The following LOC128462377 variants were observed in gnomAD, a reference collection of about 807,000 sequenced individuals.
the LOC128462377 span, among the ~76,000 whole-genome samples, chr16:89,385,743 G>T: frequency 6.6e-6 from 1 of 152,234 alleles, no homozygotes; most frequent in Non-Finnish European, 1.5e-5. Flanking sequence ...CCACTTTCAC[G>T]TCTGACGACA....
the LOC128462377 span, among the ~76,000 whole-genome samples, chr16:89,415,829 C>CAAAAAAAAAAAAAAA: frequency 7.5e-3 from 297 of 39,676 alleles, 20 homozygotes; most frequent in East Asian, 0.017. Flanking sequence ...GACTCTGTCT[C>CAAAAAAAAAAAAAAA]AAAAAAAAAA....
chr16:89,324,821 T>C, the LOC128462377 span: 5 of 286,716 alleles, frequency 1.7e-5, no homozygotes, highest in South Asian at 1.5e-4. Context: ...GGACTCGGAC[T>C]GGCTTCCTGG....
the LOC128462377 span, among the ~76,000 whole-genome samples, chr16:89,393,507 T>C: frequency 1.3e-5 from 2 of 148,710 alleles, no homozygotes; most frequent in Non-Finnish European, 3.0e-5. Context: ...TTTTTTTTTT[T>C]TGTATTTTTA....
the LOC128462377 span, among the ~76,000 whole-genome samples, chr16:89,397,916 G>A: frequency 0.031 from 4,696 of 152,320 alleles, 104 homozygotes; most frequent in Non-Finnish European, 0.05. Flanking sequence ...CAGGTGCCTC[G>A]GGTGGCAACA....
the LOC128462377 span, among the ~76,000 whole-genome samples, chr16:89,365,433 G>C: frequency 6.6e-6 from 1 of 152,222 alleles, no homozygotes; most frequent in African/African-American, 2.4e-5. Context: ...AGCCCAACCA[G>C]GGTGCAGGGG....
At chr16:89,324,303 C>G in the LOC128462377 span, 6 of 1,270,510 alleles carry the variant, frequency 4.7e-6, no homozygotes, top group South Asian at 3.8e-5. Context: ...GACCACCCGA[C>G]AGGAGCACGG....
the LOC128462377 span, among the ~76,000 whole-genome samples, chr16:89,363,412 A>C: frequency 7.2e-5 from 11 of 152,274 alleles, no homozygotes; most frequent in East Asian, 1.2e-3. Flanking sequence ...CCAACATGGC[A>C]CATGTATACA....
the LOC128462377 span, among the ~76,000 whole-genome samples, chr16:89,351,977 C>T: frequency 1.3e-5 from 2 of 152,150 alleles, no homozygotes; most frequent in Non-Finnish European, 2.9e-5. Flanking sequence ...GTGGTGCGAT[C>T]GTGGCTCACT....
chr16:89,338,182 C>T, the LOC128462377 span, among the ~76,000 whole-genome samples: 7 of 152,268 alleles, frequency 4.6e-5, no homozygotes, highest in South Asian at 6.2e-4. Flanking sequence ...TGCCCCGAGA[C>T]GCACTCTCAC....
chr16:89,328,671 T>TA, the LOC128462377 span, among the ~76,000 whole-genome samples: 1 of 142,878 alleles, frequency 7.0e-6, no homozygotes, highest in South Asian at 2.2e-4. Context: ...CCCTGCTGAG[T>TA]GAGTGGACAC....
At chr16:89,385,062 T>C in the LOC128462377 span, among the ~76,000 whole-genome samples, 5 of 151,882 alleles carry the variant, frequency 3.3e-5, no homozygotes, top group Admixed American at 1.3e-4. Context: ...ATTTTTGTAT[T>C]TTTAGTAGAG....
the LOC128462377 span, among the ~76,000 whole-genome samples, chr16:89,380,518 G>A: frequency 6.6e-6 from 1 of 151,960 alleles, no homozygotes; most frequent in African/African-American, 2.4e-5. Flanking sequence ...GTCTCCACCT[G>A]CATAAGAAAC....
chr16:89,387,506 A>C, the LOC128462377 span, among the ~76,000 whole-genome samples: 1 of 151,252 alleles, frequency 6.6e-6, no homozygotes, highest in East Asian at 2.0e-4. Flanking sequence ...CCCCATCTCT[A>C]CTAAAAATAC....
the LOC128462377 span, chr16:89,339,915 A>T: frequency 2.0e-5 from 3 of 152,218 alleles, no homozygotes; most frequent in South Asian, 6.2e-4. Context: ...CTTTGCAGGT[A>T]ACGCATTGGA....
the LOC128462377 span, among the ~76,000 whole-genome samples, chr16:89,391,085 G>A: frequency 3.9e-5 from 6 of 152,044 alleles, no homozygotes; most frequent in South Asian, 2.1e-4. Context: ...AAAATTAGCC[G>A]GGCGCGGTGG....
the LOC128462377 span, among the ~76,000 whole-genome samples, chr16:89,402,895 C>T: frequency 6.6e-6 from 1 of 152,032 alleles, no homozygotes; most frequent in East Asian, 1.9e-4. Context: ...GGAAGGAGCC[C>T]CATCAGGGCC....
At chr16:89,317,055 C>A in the LOC128462377 span, 1 of 1,597,832 alleles carries the variant, frequency 6.3e-7, no homozygotes, top group East Asian at 2.3e-5. Context: ...TTTACACGGC[C>A]GGCGCTTCAT....
the LOC128462377 span, among the ~76,000 whole-genome samples, chr16:89,394,792 T>C: frequency 6.6e-6 from 1 of 152,102 alleles, no homozygotes; most frequent in African/African-American, 2.4e-5. Flanking sequence ...CTCCATAATA[T>C]ATGGCCCCGA....
chr16:89,409,780 G>A, the LOC128462377 span, among the ~76,000 whole-genome samples: 1 of 152,098 alleles, frequency 6.6e-6, no homozygotes, highest in Non-Finnish European at 1.5e-5. Context: ...AACAAAATCT[G>A]ATCACATCTA....
Sources: allele counts gnomAD v4.1 joint callset (sites outside exome capture counted in the v4.1 genomes callset), GRCh38; gene constraint gnomAD v4.1.1; transcripts MANE v1.5.